FAM174A: variants seen among roughly 807,000 people sequenced by gnomAD.
FAM174A encodes membrane protein FAM174A.
FAM174A carries 14 observed loss-of-function variants against 14.3 expected under a neutral mutation model. The ratio of observed to expected loss-of-function variants is 0.98; its 90% CI spans 0.65 to 1.53. The LOEUF is 1.53. Ranked by LOEUF, FAM174A falls within the 40% of genes most tolerant of loss-of-function variation. FAM174A has a pLI of 0.00. For synonymous variants in FAM174A, 108 were observed against 111.4 expected, an observed-to-expected ratio of 0.97 and a Z score of 0.19; for missense variants, 241 against 249.6, an observed-to-expected ratio of 0.97 and a Z score of 0.23.
chr5:100,564,718 T>A (rs997116047), intron 2 of FAM174A, among the ~76,000 whole-genome samples: 1 of 151,578 alleles, frequency 6.6e-6, no homozygotes, highest in Non-Finnish European at 1.5e-5. Flanking sequence ...ACCTCAGAAA[T>A]TAAAGAAGAC....
Position 100,562,057 on chromosome 5 carries a change from GAGA to G in FAM174A, c.446_448del (p.Arg149del), listed in dbSNP as rs1746534861. 6.4e-7 allele frequency: 1 copy of G among 1,553,400 alleles called. No individual in the cohort carries two copies. The highest frequency in any genetic ancestry group is 8.7e-7 in the Non-Finnish European group (1 of 1,143,712). ...ATTAATTTGTTCTATTTGATAGGAT[GAGA>G]AGAAGAAACCGAAAGACTAGGAGAT... On this transcript the variant is annotated inframe_deletion, in exon 2 of 3. Coordinates refer to ENST00000312637, the MANE Select transcript of FAM174A (RefSeq NM_198507.3).
chr5:100,555,262 C>T (rs1307329800), intron 1 of FAM174A, among the ~76,000 whole-genome samples: 2 of 151,832 alleles, frequency 1.3e-5, no homozygotes, highest in Non-Finnish European at 2.9e-5. Flanking sequence ...ATGAACTCAT[C>T]ATTTTTTATG....
chr5:100,537,861 G>T (rs911854148), intron 1 of FAM174A, among the ~76,000 whole-genome samples: 13 of 152,106 alleles, frequency 8.5e-5, no homozygotes, highest in African/African-American at 2.7e-4. Context: ...AATTTGGGGG[G>T]AATATTCCTT....
chr5:100,538,916 G>A (rs113309038), intron 1 of FAM174A, among the ~76,000 whole-genome samples: 3 of 152,214 alleles, frequency 2.0e-5, no homozygotes, highest in African/African-American at 7.2e-5. Context: ...GTTTTAGCAC[G>A]TATGGTAATT....
intron 1 of FAM174A, among the ~76,000 whole-genome samples, chr5:100,555,664 T>C (rs948328922): frequency 6.6e-6 from 1 of 152,218 alleles, no homozygotes. Context: ...TTGATTTGCA[T>C]TTCTCTGATG....
At chr5:100,553,505 C>T (rs1181288040) in intron 1 of FAM174A, among the ~76,000 whole-genome samples, 1 of 152,038 alleles carries the variant, frequency 6.6e-6, no homozygotes, top group Non-Finnish European at 1.5e-5. Flanking sequence ...TGAGCAAAGA[C>T]ATTTTTAGAG....
chr5:100,583,888 G>A (rs761350385), intron 2 of FAM174A, among the ~76,000 whole-genome samples: 8 of 152,192 alleles, frequency 5.3e-5, no homozygotes, highest in Middle Eastern at 3.4e-3. Flanking sequence ...TTTCCATAGC[G>A]TACTGGGTGT....
chr5:100,559,480 G>T (rs1746477084), intron 1 of FAM174A, among the ~76,000 whole-genome samples: 1 of 151,862 alleles, frequency 6.6e-6, no homozygotes, highest in Admixed American at 6.6e-5. Context: ...TTTGAATGTT[G>T]GCCTGCCTTG....
intron 1 of FAM174A, among the ~76,000 whole-genome samples, chr5:100,549,071 G>A (rs1746214723): frequency 6.6e-6 from 1 of 151,898 alleles, no homozygotes; most frequent in Admixed American, 6.6e-5. Context: ...GTACCTAACT[G>A]CTAAAGCTAT....
At chr5:100,564,552 T>C (rs969965961) in intron 2 of FAM174A, among the ~76,000 whole-genome samples, 5 of 151,624 alleles carry the variant, frequency 3.3e-5, no homozygotes, top group Non-Finnish European at 1.5e-5. Flanking sequence ...TAGAAATACA[T>C]TAAATAGAGT....
At chr5:100,570,703 T>C (rs1420652076) in intron 2 of FAM174A, among the ~76,000 whole-genome samples, 1 of 151,982 alleles carries the variant, frequency 6.6e-6, no homozygotes, top group Admixed American at 6.6e-5. Flanking sequence ...AGGTGGATTT[T>C]AAAATAGTTG....
chr5:100,570,441 A>G (rs1746756934), intron 2 of FAM174A, among the ~76,000 whole-genome samples: 1 of 151,956 alleles, frequency 6.6e-6, no homozygotes, highest in East Asian at 1.9e-4. Flanking sequence ...CTGCACACTG[A>G]TCTTATTGTG....
intron 2 of FAM174A, among the ~76,000 whole-genome samples, chr5:100,566,836 C>T (rs959001928): frequency 6.6e-6 from 1 of 151,744 alleles, no homozygotes; most frequent in African/African-American, 2.4e-5. Flanking sequence ...CATAAAAAGT[C>T]ATTTTGAAAA....
intron 1 of FAM174A, among the ~76,000 whole-genome samples, chr5:100,550,274 AT>A (rs1471652399): frequency 2.0e-5 from 3 of 152,038 alleles, no homozygotes; most frequent in African/African-American, 7.2e-5. Context: ...CCAGTACTTT[AT>A]TTTTTTGTCC....
At chr5:100,574,307 G>C (rs527875187) in intron 2 of FAM174A, among the ~76,000 whole-genome samples, 198 of 152,128 alleles carry the variant, frequency 1.3e-3, no homozygotes, top group African/African-American at 4.6e-3. Context: ...TCATGCCTCA[G>C]CCTTCCCAGT....
At chr5:100,575,578 A>G (rs969812634) in intron 2 of FAM174A, among the ~76,000 whole-genome samples, 1 of 152,122 alleles carries the variant, frequency 6.6e-6, no homozygotes, top group Non-Finnish European at 1.5e-5. Flanking sequence ...AACCATAAAA[A>G]CCCTAGAAGA....
chr5:100,536,261 C>T (rs1381568290), intron 1 of FAM174A, among the ~76,000 whole-genome samples: 1 of 152,122 alleles, frequency 6.6e-6, no homozygotes, highest in African/African-American at 2.4e-5. Flanking sequence ...ATCTTTATTC[C>T]CTAGAATTTT....
chr5:100,548,265 T>G (rs1430429834), intron 1 of FAM174A, among the ~76,000 whole-genome samples: 1 of 152,142 alleles, frequency 6.6e-6, no homozygotes, highest in Non-Finnish European at 1.5e-5. Flanking sequence ...CATGGTTCTG[T>G]TAAGCCAGAA....
At position 100,585,781 on chromosome 5, in the gene FAM174A, A is replaced by C. The variant is rs147933541; in HGVS notation, c.570-400A>C. On this transcript the variant is annotated intron_variant, in intron 2 of 2. Transcript: ENST00000312637. ...TCAAATTGTCTCAGATCTCAAAAAA[A>C]CTTTAGAATATATTTATTGAAAAAA... Among the ~76,000 whole-genome samples the C allele has an allele frequency of 2.9e-3, 447 of 152,294 alleles. 2 individuals carry two copies. The highest frequency in any genetic ancestry group is 0.01 in the African/African-American group (418 of 41,570).
Sources: gnomAD v4.1 joint callset for allele counts (sites outside exome capture counted in the v4.1 genomes callset) on GRCh38, gnomAD v4.1.1 for gene constraint, MANE v1.5 for transcripts, NCBI Gene and HGNC (gene_info 2026-07-23, HGNC 2026-07-21) for gene names.